Variants in CLDN14 observed in about 807,000 individuals in gnomAD.
CLDN14 encodes the protein claudin-14.
A neutral mutation model predicts 2.1 loss-of-function variants in CLDN14; 2 were observed. That is an observed-to-expected ratio of 0.96 (90% CI 0.39 to 3.01). The LOEUF is 3.01. CLDN14 is among the 30% of genes most tolerant of loss of function. The pLI is 0.09. For missense variants in CLDN14, 298 were observed against 328.0 expected (o/e 0.91, Z 0.71); for synonymous variants, 136 against 154.4 (o/e 0.88, Z 0.88).
intron 1 of CLDN14, among the ~76,000 whole-genome samples, chr21:36,514,217 T>G (rs991777386): frequency 2.0e-5 from 3 of 152,096 alleles, no homozygotes; most frequent in African/African-American, 7.2e-5. Context: ...CACAGCTTCG[T>G]GATATTTGGA....
At chr21:36,506,842 G>A (rs1027314144) in intron 2 of CLDN14, among the ~76,000 whole-genome samples, 3 of 152,144 alleles carry the variant, frequency 2.0e-5, no homozygotes, top group Non-Finnish European at 4.4e-5. Context: ...CAAGAGGCCA[G>A]GTGCAGTGCT....
At chr21:36,502,606 G>A (rs2087100655) in intron 2 of CLDN14, among the ~76,000 whole-genome samples, 1 of 152,138 alleles carries the variant, frequency 6.6e-6, no homozygotes, top group African/African-American at 2.4e-5. Context: ...TTATTATGGT[G>A]TTCACTTCAA....
At chr21:36,541,266 G>A (rs1349203348) in intron 1 of CLDN14, among the ~76,000 whole-genome samples, 1 of 152,158 alleles carries the variant, frequency 6.6e-6, no homozygotes, top group African/African-American at 2.4e-5. Context: ...CATGTATTAA[G>A]CTCTGTGCAT....
Position 36,461,320 on chromosome 21 carries a change from T to G in CLDN14, c.376A>C (p.Ile126Leu). 1 of 1,613,304 alleles carries G rather than the reference T, an allele frequency of 6.2e-7. No individual in the cohort carries two copies. The highest frequency in any genetic ancestry group is 8.5e-7 in the Non-Finnish European group (1 of 1,179,904). ...ACCATGCACAGGAGGCCGGCCAGGA[T>G]GAAGAGGGTGCCGCCGAGGATGGCA... ...TFAILGGTLF[I>L]LAGLLCMVAV... Residue 126 changes from isoleucine (I) to leucine (L), a missense_variant, in exon 2 of 2, where the codon ATC (isoleucine) becomes CTC (leucine). By Grantham distance (5) the Ile-to-Leu change is conservative. Coordinates refer to ENST00000399135, the MANE Select transcript of CLDN14 (RefSeq NM_001146079.2).
intron 1 of CLDN14, among the ~76,000 whole-genome samples, chr21:36,514,699 A>AGAGAG (rs2087213734): frequency 6.6e-6 from 1 of 150,544 alleles, no homozygotes; most frequent in Admixed American, 6.6e-5. Flanking sequence ...GGACATGGGA[A>AGAGAG]GAGAGGAGAG....
intron 1 of CLDN14, among the ~76,000 whole-genome samples, chr21:36,511,857 C>T (rs2087189343): frequency 2.0e-5 from 3 of 152,134 alleles, no homozygotes; most frequent in Admixed American, 6.5e-5. Flanking sequence ...GTGATAGCCT[C>T]GTACTGAAGT....
chr21:36,516,466 T>C (rs1338978992), intron 1 of CLDN14, among the ~76,000 whole-genome samples: 1 of 152,246 alleles, frequency 6.6e-6, no homozygotes, highest in Non-Finnish European at 1.5e-5. Flanking sequence ...CTCTCAAGCA[T>C]CTGGATCAGT....
At chr21:36,543,967 A>T (rs1237086567) in intron 1 of CLDN14, among the ~76,000 whole-genome samples, 1 of 152,188 alleles carries the variant, frequency 6.6e-6, no homozygotes, top group Non-Finnish European at 1.5e-5. Context: ...TAGCAAAGAA[A>T]CTGAGTCAGC....
intron 1 of CLDN14, among the ~76,000 whole-genome samples, chr21:36,521,106 A>T (rs984278656): frequency 6.6e-6 from 1 of 152,174 alleles, no homozygotes; most frequent in Non-Finnish European, 1.5e-5. Flanking sequence ...TATTTTTTGG[A>T]TAGGCATTGA....
At chr21:36,474,432 G>A (rs141303066) in intron 1 of CLDN14, among the ~76,000 whole-genome samples, 199 of 152,262 alleles carry the variant, frequency 1.3e-3, no homozygotes, top group Admixed American at 3.9e-3. Flanking sequence ...TAATAAGGAA[G>A]GTCGTCCATT....
intron 2 of CLDN14, chr21:36,486,263 C>G: frequency 1.2e-6 from 1 of 814,488 alleles, no homozygotes; most frequent in Non-Finnish European, 2.2e-6. Flanking sequence ...GCAATCCCCT[C>G]TTCCTTAGGT....
intron 1 of CLDN14, among the ~76,000 whole-genome samples, chr21:36,517,025 A>G (rs533035173): frequency 3.3e-5 from 5 of 151,672 alleles, no homozygotes; most frequent in Non-Finnish European, 5.9e-5. Flanking sequence ...TTTTTAGTAG[A>G]GACGGGGTTT....
At position 36,513,301 on chromosome 21, in the gene CLDN14, G is replaced by A. The variant is rs186986895; in HGVS notation, c.-219-2801C>T. Among the ~76,000 whole-genome samples, 29 of 152,308 alleles carry A rather than the reference G, an allele frequency of 1.9e-4. 1 individual carries two copies. The highest frequency in any genetic ancestry group is 1.5e-3 in the East Asian group (8 of 5,182). ...CTTTTTCCTTCAACAGGATAGCACC[G>A]TTTCTGGATGTGATGACTGGCAATG... On this transcript the variant is annotated intron_variant, in intron 1 of 2. Coordinates refer to the CLDN14 transcript ENST00000342108.
chr21:36,483,494 G>A (rs137990636), upstream of CLDN14, among the ~76,000 whole-genome samples: 3 of 152,290 alleles, frequency 2.0e-5, no homozygotes, highest in Non-Finnish European at 4.4e-5. Context: ...GAGGCCTAGA[G>A]GCCACGTGAG....
upstream of CLDN14, among the ~76,000 whole-genome samples, chr21:36,481,377 G>A (rs1312985404): frequency 6.6e-6 from 1 of 152,162 alleles, no homozygotes; most frequent in Non-Finnish European, 1.5e-5. Flanking sequence ...CAGCATAATA[G>A]TAAAATGTGC....
At chr21:36,570,616 C>CAT (rs35843815) in intron 1 of CLDN14, among the ~76,000 whole-genome samples, 56 of 151,860 alleles carry the variant, frequency 3.7e-4, no homozygotes, top group African/African-American at 1.2e-3. Flanking sequence ...GAATTATGGA[C>CAT]ATATATATAT....
At position 36,572,500 on chromosome 21, in the gene CLDN14, A is replaced by G. The variant is rs2146530520; in HGVS notation, c.-220+3911T>C. On this transcript the variant is annotated intron_variant, in intron 1 of 2. Coordinates refer to the CLDN14 transcript ENST00000342108. The stretch of plus-strand genomic sequence containing the variant: ...AGGAAAACTTGGTCTTTGTAGCACC[A>G]CACTTAGCCAGCTGACATGAAAGAT... Among the ~76,000 whole-genome samples, 2 of 152,288 alleles carry G rather than the reference A, an allele frequency of 1.3e-5. 1 individual carries two copies.
At chr21:36,504,559 G>C (rs73380201) in intron 2 of CLDN14, among the ~76,000 whole-genome samples, 7,436 of 152,140 alleles carry the variant, frequency 0.049, 594 homozygotes, top group African/African-American at 0.17. Context: ...AGGGGGTTGT[G>C]GCTCATTCTT....
chr21:36,488,915 G>C (rs748790501), intron 2 of CLDN14, among the ~76,000 whole-genome samples: 53 of 151,676 alleles, frequency 3.5e-4, no homozygotes, highest in Non-Finnish European at 7.4e-4. Flanking sequence ...GATCACCTGA[G>C]GTCAGGAGTT....
Sources: gnomAD v4.1 joint callset for allele counts (sites outside exome capture counted in the v4.1 genomes callset) on GRCh38, gnomAD v4.1.1 for gene constraint, MANE v1.5 for transcripts, NCBI Gene and HGNC (gene_info 2026-07-23, HGNC 2026-07-21) for gene names.